The following SLC35F4 variants were observed in gnomAD, a reference collection of about 807,000 sequenced individuals.
SLC35F4 encodes the protein solute carrier family 35 member F4.
SLC35F4 carries 24 observed loss-of-function variants against 44.2 expected under a neutral mutation model. That is an observed-to-expected ratio of 0.54 (90% CI 0.39 to 0.76). The LOEUF is 0.76. Ranked by LOEUF, SLC35F4 falls within the 30% of genes least tolerant of loss-of-function variation. The pLI is 0.00. For missense variants in SLC35F4, 562 were observed against 586.1 expected (o/e 0.96, Z 0.42); for synonymous variants, 238 against 223.6 (o/e 1.06, Z -0.57).
chr14:57,601,983 T>C (rs2070850502), intron 1 of SLC35F4, among the ~76,000 whole-genome samples: 1 of 152,202 alleles, frequency 6.6e-6, no homozygotes, highest in South Asian at 2.1e-4. Context: ...TCTCACTGCT[T>C]TTCCATCTCA....
intron 1 of SLC35F4, chr14:57,799,647 T>C (rs1490576392): frequency 6.6e-6 from 1 of 152,544 alleles, no homozygotes; most frequent in Non-Finnish European, 1.5e-5. Context: ...TGTGGTTCAG[T>C]AGACTCAGCT....
rs75263024 is a variant in SLC35F4, at chr14:57,875,257, A to G, written n.282+106656T>C. ...ATCATCAGCTGGGCATGCAAAGGTG[A>G]TAAGCACATGCTATCTTCTTTCTTT... On this transcript the variant is annotated intron_variant and non_coding_transcript_variant, in intron 1 of 1. Coordinates refer to the SLC35F4 transcript ENST00000556568. Among the ~76,000 whole-genome samples, 818 of 152,294 alleles carry G rather than the reference A, an allele frequency of 5.4e-3. 7 individuals are homozygous for G. The highest frequency in any genetic ancestry group is 0.018 in the African/African-American group (767 of 41,564).
intron 1 of SLC35F4, among the ~76,000 whole-genome samples, chr14:57,831,426 T>C (rs1884359268): frequency 6.6e-6 from 1 of 152,010 alleles, no homozygotes; most frequent in South Asian, 2.1e-4. Context: ...ACCAAGACAG[T>C]GATAGACGCA....
At chr14:57,787,977 T>G (rs1252788284) in intron 1 of SLC35F4, among the ~76,000 whole-genome samples, 1 of 152,166 alleles carries the variant, frequency 6.6e-6, no homozygotes, top group African/African-American at 2.4e-5. Flanking sequence ...GATACAGAAC[T>G]GCAGAATGGA....
chr14:57,956,347 A>T (rs1400374754), intron 1 of SLC35F4, among the ~76,000 whole-genome samples: 1 of 152,168 alleles, frequency 6.6e-6, no homozygotes, highest in Non-Finnish European at 1.5e-5. Context: ...CCAGAAGAAA[A>T]CCTAGGCAAT....
chr14:57,633,578 C>A (rs1415284866), intron 1 of SLC35F4, among the ~76,000 whole-genome samples: 1 of 152,030 alleles, frequency 6.6e-6, no homozygotes, highest in African/African-American at 2.4e-5. Flanking sequence ...TTCCCATGTA[C>A]CCTTCACCCA....
At chr14:57,667,562 C>T (rs2074358169) in intron 1 of SLC35F4, among the ~76,000 whole-genome samples, 2 of 145,164 alleles carry the variant, frequency 1.4e-5, no homozygotes, top group South Asian at 4.6e-4. Context: ...TCAATTCCTA[C>T]CTATGAGTGA....
chr14:57,933,886 C>A (rs77137656), intron 1 of SLC35F4, among the ~76,000 whole-genome samples: 2 of 151,988 alleles, frequency 1.3e-5, no homozygotes, highest in African/African-American at 4.8e-5. Flanking sequence ...AGTCTTGACA[C>A]GAAAAAATAT....
At chr14:57,672,872 A>C (rs1177899328) in intron 1 of SLC35F4, among the ~76,000 whole-genome samples, 1 of 151,952 alleles carries the variant, frequency 6.6e-6, no homozygotes, top group Non-Finnish European at 1.5e-5. Flanking sequence ...TGTGAAACAG[A>C]GTAGGTTTTT....
intron 1 of SLC35F4, among the ~76,000 whole-genome samples, chr14:57,878,610 C>T (rs1055075387): frequency 1.3e-5 from 2 of 152,174 alleles, no homozygotes; most frequent in Admixed American, 6.5e-5. Flanking sequence ...CAACTCTTTG[C>T]CCCCTGCCTT....
chr14:57,796,223 C>A (rs529413149), intron 1 of SLC35F4, among the ~76,000 whole-genome samples: 5 of 152,284 alleles, frequency 3.3e-5, no homozygotes, highest in Admixed American at 1.3e-4. Flanking sequence ...GATTCCATGT[C>A]TCTGTCATTG....
At chr14:57,641,031 T>A (rs963227493) in intron 1 of SLC35F4, among the ~76,000 whole-genome samples, 4 of 151,980 alleles carry the variant, frequency 2.6e-5, no homozygotes, top group Non-Finnish European at 5.9e-5. Context: ...TTCATTTTTC[T>A]TGCCAGAAAG....
At chr14:57,587,251 T>C (rs1344733487) in intron 3 of SLC35F4, among the ~76,000 whole-genome samples, 1 of 152,220 alleles carries the variant, frequency 6.6e-6, no homozygotes, top group Admixed American at 6.5e-5. Flanking sequence ...AGAATTACCA[T>C]TTGACTCAGC....
intron 1 of SLC35F4, among the ~76,000 whole-genome samples, chr14:57,720,268 A>T (rs763549227): frequency 6.6e-6 from 1 of 152,156 alleles, no homozygotes; most frequent in Non-Finnish European, 1.5e-5. Flanking sequence ...ATCACTATTC[A>T]TAATATAGGT....
At chr14:57,757,756 A>G (rs1228857765) in intron 1 of SLC35F4, among the ~76,000 whole-genome samples, 3 of 152,162 alleles carry the variant, frequency 2.0e-5, no homozygotes. Context: ...TTTGCTGTTA[A>G]CAATTATCTT....
intron 1 of SLC35F4, among the ~76,000 whole-genome samples, chr14:57,841,782 A>G (rs1393808210): frequency 6.6e-6 from 1 of 152,210 alleles, no homozygotes; most frequent in East Asian, 1.9e-4. Context: ...ATTGTGCAAG[A>G]TATCGCTCAT....
At chr14:57,951,426 G>A (rs190516959) in intron 1 of SLC35F4, among the ~76,000 whole-genome samples, 15 of 152,168 alleles carry the variant, frequency 9.9e-5, no homozygotes, top group South Asian at 2.1e-4. Context: ...AAATGCCAGC[G>A]AGACAGAACC....
upstream of SLC35F4, among the ~76,000 whole-genome samples, chr14:57,870,312 T>C (rs576859864): frequency 2.2e-4 from 33 of 152,250 alleles, no homozygotes; most frequent in Middle Eastern, 0.017. Flanking sequence ...TACTCGGCAG[T>C]ACAGCACAGT....
chr14:57,909,262 C>A (rs1306620303), intron 1 of SLC35F4, among the ~76,000 whole-genome samples: 1 of 152,098 alleles, frequency 6.6e-6, no homozygotes, highest in East Asian at 1.9e-4. Context: ...TTGTTATAAT[C>A]AATGAACCTA....
Sources: allele counts gnomAD v4.1 joint callset (sites outside exome capture counted in the v4.1 genomes callset), GRCh38; gene constraint gnomAD v4.1.1; transcripts MANE v1.5; gene names NCBI Gene and HGNC (gene_info 2026-07-23, HGNC 2026-07-21).